Variants in LARGE1 observed in about 807,000 individuals in gnomAD.
LARGE1 encodes LARGE xylosyl- and glucuronyltransferase 1, also known as xylosyl- and glucuronyltransferase LARGE1.
Under a neutral mutation model 87.6 loss-of-function variants are expected in LARGE1, and 43 were observed. That is an observed-to-expected ratio of 0.49 (90% CI 0.38 to 0.63). The LOEUF (loss-of-function observed/expected upper bound fraction) is 0.63, where lower values mean the gene tolerates loss of function less well. LARGE1 is among the 30% of genes least tolerant of loss of function. LARGE1 has a pLI of 0.00. For synonymous variants in LARGE1, 434 were observed against 394.6 expected, an observed-to-expected ratio of 1.10 and a Z score of -1.18; for missense variants, 802 against 1,000.2, an observed-to-expected ratio of 0.80 and a Z score of 2.67.
intron 4 of LARGE1, among the ~76,000 whole-genome samples, chr22:33,615,744 G>A (rs191893727): frequency 1.3e-4 from 19 of 151,282 alleles, no homozygotes; most frequent in Admixed American, 6.6e-4. Flanking sequence ...CTACCAGAGT[G>A]GGAGATAATA....
intron 12 of LARGE1, among the ~76,000 whole-genome samples, chr22:33,284,461 A>G (rs1422915285): frequency 6.6e-6 from 1 of 151,908 alleles, no homozygotes; most frequent in Non-Finnish European, 1.5e-5. Context: ...CTCCTCCGAG[A>G]CCCGATCCTG....
chr22:33,093,969 CT>C, the LARGE1 span, among the ~76,000 whole-genome samples: 1 of 151,634 alleles, frequency 6.6e-6, no homozygotes. Flanking sequence ...TCAGGCTCGT[CT>C]CAAAGTCCCG....
intron 5 of LARGE1, among the ~76,000 whole-genome samples, chr22:33,574,686 T>TTGTG (rs3986017): frequency 1.1e-4 from 16 of 144,084 alleles, no homozygotes; most frequent in South Asian, 5.0e-4. Flanking sequence ...ATATAAACAA[T>TTGTG]TGTGTGTGTG....
chr22:33,137,963 C>G, the LARGE1 span, among the ~76,000 whole-genome samples: 1 of 152,208 alleles, frequency 6.6e-6, no homozygotes, highest in Non-Finnish European at 1.5e-5. Flanking sequence ...AGCCCCCACA[C>G]AGAGTCCCCA....
chr22:33,278,562 C>T (rs890663653), intron 13 of LARGE1, among the ~76,000 whole-genome samples: 1 of 146,700 alleles, frequency 6.8e-6, no homozygotes, highest in Non-Finnish European at 1.5e-5. Context: ...CTCACACACA[C>T]ACACACACAC....
At chr22:33,530,742 G>A (rs1284849543) in intron 6 of LARGE1, among the ~76,000 whole-genome samples, 1 of 152,112 alleles carries the variant, frequency 6.6e-6, no homozygotes, top group Non-Finnish European at 1.5e-5. Context: ...CCAGGGATGA[G>A]GACCAGGATC....
At chr22:33,557,047 A>AC (rs2077712079) in intron 6 of LARGE1, among the ~76,000 whole-genome samples, 1 of 152,174 alleles carries the variant, frequency 6.6e-6, no homozygotes, top group Admixed American at 6.5e-5. Flanking sequence ...AAAGAAGGGA[A>AC]CTATCACTTA....
chr22:33,564,361 C>T (rs2077958036), intron 6 of LARGE1, among the ~76,000 whole-genome samples: 1 of 152,080 alleles, frequency 6.6e-6, no homozygotes, highest in South Asian at 2.1e-4. Context: ...AGAAACCCAC[C>T]AGACTAGAAA....
chr22:33,915,730 A>G (rs569435391), intron 1 of LARGE1, among the ~76,000 whole-genome samples: 1 of 152,252 alleles, frequency 6.6e-6, no homozygotes, highest in Non-Finnish European at 1.5e-5. Context: ...TTGAATACAC[A>G]GAGCAAGAAG....
At chr22:33,091,444 C>T in the LARGE1 span, among the ~76,000 whole-genome samples, 1 of 152,110 alleles carries the variant, frequency 6.6e-6, no homozygotes, top group African/African-American at 2.4e-5. Flanking sequence ...CCTGTAATCT[C>T]AGCTACTTGG....
the LARGE1 span, among the ~76,000 whole-genome samples, chr22:33,079,486 C>G: frequency 1.3e-5 from 2 of 151,990 alleles, no homozygotes; most frequent in Admixed American, 6.6e-5. Flanking sequence ...CTTGGCCTCC[C>G]AAAGTTCTGG....
rs899934472 is a variant in LARGE1, at chr22:33,920,105, G to C, written c.-193C>G. On this transcript the variant is annotated 5_prime_UTR_variant, in exon 1 of 15. Transcript: ENST00000397394. ...CCGGGTCAGGGTCCCGGCAGGCGCT[G>C]CCCTACTCGGAGCGGCGGTGCCAAG... 2.0e-5 allele frequency: 3 copies of C among 152,312 alleles called. No homozygotes were observed. Among genetic ancestry groups the C allele is most frequent in the African/African-American group, 7.2e-5 (3 of 41,454 alleles). 9.4% of individuals were successfully genotyped at this position (152,312 alleles called of 1,614,324 possible).
chr22:33,103,593 C>T, the LARGE1 span, among the ~76,000 whole-genome samples: 21 of 152,176 alleles, frequency 1.4e-4, no homozygotes, highest in South Asian at 8.3e-4. Context: ...AACCATGTTG[C>T]GAGCTGTCCA....
At chr22:33,674,135 G>C (rs2081497554) in intron 2 of LARGE1, among the ~76,000 whole-genome samples, 1 of 151,824 alleles carries the variant, frequency 6.6e-6, no homozygotes, top group Non-Finnish European at 1.5e-5. Context: ...AGTAGAGACG[G>C]GTTTCGCCAT....
At chr22:33,572,746 T>A (rs1009546262) in intron 5 of LARGE1, among the ~76,000 whole-genome samples, 2 of 152,206 alleles carry the variant, frequency 1.3e-5, no homozygotes, top group African/African-American at 4.8e-5. Flanking sequence ...GGCGCATGCC[T>A]GTAATCCCAG....
At chr22:33,843,312 C>G (rs1047813451) in intron 1 of LARGE1, among the ~76,000 whole-genome samples, 4 of 152,012 alleles carry the variant, frequency 2.6e-5, no homozygotes, top group African/African-American at 9.7e-5. Context: ...TGGCTCATGC[C>G]TGTAATCCCA....
intron 6 of LARGE1, among the ~76,000 whole-genome samples, chr22:33,508,169 C>A (rs1398580453): frequency 6.6e-6 from 1 of 152,194 alleles, no homozygotes; most frequent in African/African-American, 2.4e-5. Flanking sequence ...CTACACCGAA[C>A]AACAGAATTT....
intron 5 of LARGE1, among the ~76,000 whole-genome samples, chr22:33,591,984 C>T (rs1040700979): frequency 8.7e-5 from 13 of 149,610 alleles, no homozygotes; most frequent in African/African-American, 3.2e-4. Context: ...TATGATTCTG[C>T]CACTGCACTT....
Position 33,602,183 on chromosome 22 carries a change from T to C in LARGE1, c.615+2252A>G, listed in dbSNP as rs143073642. On this transcript the variant is annotated intron_variant, in intron 5 of 14. Coordinates refer to ENST00000397394, the MANE Select transcript of LARGE1 (RefSeq NM_133642.5). Reference sequence around the variant, plus strand: ...TTGTGGCTGACTCAGTCCCAAGCCATCTGAGAGCTGAGAGAACCAAGGTTC... The same window carrying C: ...TTGTGGCTGACTCAGTCCCAAGCCACCTGAGAGCTGAGAGAACCAAGGTTC... Among the ~76,000 whole-genome samples, 5 of 152,308 alleles carry C rather than the reference T, an allele frequency of 3.3e-5. No homozygotes were observed. In the East Asian group the frequency reaches 9.6e-4, roughly 29 times the overall value.
Sources: gnomAD v4.1 joint callset for allele counts (sites outside exome capture counted in the v4.1 genomes callset) on GRCh38, gnomAD v4.1.1 for gene constraint, MANE v1.5 for transcripts, NCBI Gene and HGNC (gene_info 2026-07-23, HGNC 2026-07-21) for gene names.